The following LRRTM3 variants were observed in gnomAD, a reference collection of about 807,000 sequenced individuals.
LRRTM3 encodes the protein leucine-rich repeat transmembrane neuronal protein 3.
A neutral mutation model predicts 44.7 loss-of-function variants in LRRTM3; 24 were observed. The observed-to-expected ratio is 0.54, with a 90% CI of 0.39 to 0.76. The LOEUF (loss-of-function observed/expected upper bound fraction) is 0.76. LRRTM3 is among the 30% of genes least tolerant of loss of function. The pLI, the probability that LRRTM3 is intolerant of heterozygous loss-of-function variation, is 0.00. For synonymous variants in LRRTM3, 277 were observed against 278.7 expected, an observed-to-expected ratio of 0.99 and a Z score of 0.06; for missense variants, 587 against 702.2, an observed-to-expected ratio of 0.84 and a Z score of 1.85.
chr10:66,981,641 A>C (rs538000110), intron 2 of LRRTM3, among the ~76,000 whole-genome samples: 6 of 152,354 alleles, frequency 3.9e-5, no homozygotes, highest in Middle Eastern at 3.4e-3. Context: ...ACAATATTGC[A>C]CATATTGAAT....
At chr10:66,950,965 C>T (rs1251554793) in intron 2 of LRRTM3, among the ~76,000 whole-genome samples, 1 of 152,080 alleles carries the variant, frequency 6.6e-6, no homozygotes, top group Admixed American at 6.6e-5. Flanking sequence ...TGCAGAAACT[C>T]CCTTTGAATG....
intron 2 of LRRTM3, among the ~76,000 whole-genome samples, chr10:66,986,988 A>G (rs759324023): frequency 6.6e-6 from 1 of 152,130 alleles, no homozygotes; most frequent in Non-Finnish European, 1.5e-5. Context: ...ATAAGCTGAT[A>G]CATGAGCCAA....
chr10:66,942,080 C>T (rs1848027710), intron 2 of LRRTM3, among the ~76,000 whole-genome samples: 1 of 152,094 alleles, frequency 6.6e-6, no homozygotes, highest in Admixed American at 6.5e-5. Context: ...AAAATGGGAA[C>T]AATACTTCAT....
intron 2 of LRRTM3, among the ~76,000 whole-genome samples, chr10:66,930,768 G>A (rs1847336719): frequency 6.6e-6 from 1 of 152,074 alleles, no homozygotes. Context: ...TTTGAAAGCT[G>A]TCACTTTTTA....
At chr10:66,990,838 A>C (rs1851000618) in intron 2 of LRRTM3, among the ~76,000 whole-genome samples, 1 of 152,194 alleles carries the variant, frequency 6.6e-6, no homozygotes, top group East Asian at 1.9e-4. Context: ...AGGAAGTAAA[A>C]TTTCACTAGT....
At chr10:67,008,692 TAG>T (rs1852150933) in intron 2 of LRRTM3, among the ~76,000 whole-genome samples, 4 of 152,162 alleles carry the variant, frequency 2.6e-5, no homozygotes, top group African/African-American at 7.2e-5. Flanking sequence ...CCAGCTAGGA[TAG>T]CACATCTCTG....
intron 2 of LRRTM3, among the ~76,000 whole-genome samples, chr10:66,936,915 G>C (rs1286219659): frequency 6.6e-6 from 1 of 152,084 alleles, no homozygotes; most frequent in Non-Finnish European, 1.5e-5. Flanking sequence ...TTAAGAGCAG[G>C]CATAGCCAGC....
At chr10:67,021,082 T>C (rs116682172) in intron 2 of LRRTM3, among the ~76,000 whole-genome samples, 2,770 of 152,314 alleles carry the variant, frequency 0.018, 88 homozygotes, top group African/African-American at 0.062. Flanking sequence ...GTTGATTATA[T>C]ACATTTTGTA....
intron 2 of LRRTM3, among the ~76,000 whole-genome samples, chr10:66,983,953 T>C (rs1371217905): frequency 6.6e-6 from 1 of 152,222 alleles, no homozygotes; most frequent in Non-Finnish European, 1.5e-5. Flanking sequence ...CAACGGTAAA[T>C]GGTAGATACT....
At chr10:67,021,286 T>C (rs968685614) in intron 2 of LRRTM3, among the ~76,000 whole-genome samples, 1 of 152,180 alleles carries the variant, frequency 6.6e-6, no homozygotes, top group African/African-American at 2.4e-5. Flanking sequence ...TTTCACACCT[T>C]TAAAATTAGC....
rs997692485 is a variant in LRRTM3, at chr10:66,930,105, A to G, written c.1536+1653A>G. ...TTTCATATGCTGAGAGGAAAAATCT[A>G]GGCAAGTCACCATAAAATAAAATTT... On this transcript the variant is annotated intron_variant, in intron 2 of 2. Transcript: ENST00000361320. Among the ~76,000 whole-genome samples the G allele has an allele frequency of 3.3e-5, 5 of 152,296 alleles. No individual in the cohort carries two copies. The East Asian group carries it at 9.6e-4, about 29-fold the overall frequency.
intron 2 of LRRTM3, among the ~76,000 whole-genome samples, chr10:67,053,055 A>G (rs1855209865): frequency 6.6e-6 from 1 of 152,202 alleles, no homozygotes; most frequent in African/African-American, 2.4e-5. Flanking sequence ...AACACATACA[A>G]AAGCTAGAGC....
intron 2 of LRRTM3, among the ~76,000 whole-genome samples, chr10:67,091,651 G>A (rs1857647821): frequency 6.6e-6 from 1 of 152,072 alleles, no homozygotes; most frequent in African/African-American, 2.4e-5. Context: ...TCACTAAGGT[G>A]AAAAAGGTAA....
chr10:66,946,091 A>T (rs1020623274), intron 2 of LRRTM3, among the ~76,000 whole-genome samples: 1 of 152,206 alleles, frequency 6.6e-6, no homozygotes, highest in African/African-American at 2.4e-5. Flanking sequence ...AACAGAGCTC[A>T]TAGACTTGCT....
intron 2 of LRRTM3, among the ~76,000 whole-genome samples, chr10:67,069,697 T>C (rs929204642): frequency 6.6e-6 from 1 of 151,900 alleles, no homozygotes; most frequent in Admixed American, 6.6e-5. Context: ...TGTGTCTGAA[T>C]GTTGTGTCTC....
chr10:67,011,477 G>A (rs1177964079), intron 2 of LRRTM3, among the ~76,000 whole-genome samples: 2 of 152,182 alleles, frequency 1.3e-5, no homozygotes, highest in African/African-American at 4.8e-5. Flanking sequence ...GCCAGAAAGT[G>A]CTTTACAGTG....
rs1438112818 is a variant in LRRTM3 at position 67,097,997 on chromosome 10, G to A, written c.*201G>A. On this transcript the variant is annotated 3_prime_UTR_variant, in exon 3 of 3. Transcript: ENST00000361320. ...TCTACACTTTGTAATTAGCTAAGTT[G>A]TGCAGTATTTTTTGACTTAAACAGA... 3 of 576,630 alleles carry A rather than the reference G, an allele frequency of 5.2e-6. No individual in the cohort carries two copies. The East Asian group carries it at 8.6e-5, about 17-fold the overall frequency. 35.7% of individuals were successfully genotyped at this position (576,630 alleles called of 1,614,324 possible).
At chr10:66,972,339 GA>G (rs1382645822) in intron 2 of LRRTM3, among the ~76,000 whole-genome samples, 5 of 151,978 alleles carry the variant, frequency 3.3e-5, no homozygotes, top group Non-Finnish European at 7.4e-5. Context: ...CATTTTTTTA[GA>G]GATGAAATGA....
intron 2 of LRRTM3, among the ~76,000 whole-genome samples, chr10:67,048,047 A>G (rs1341321727): frequency 2.0e-5 from 3 of 152,150 alleles, no homozygotes; most frequent in Non-Finnish European, 4.4e-5. Context: ...GAAATTTGCT[A>G]TCAGAAGTGA....
Sources: allele counts gnomAD v4.1 joint callset (sites outside exome capture counted in the v4.1 genomes callset), GRCh38; gene constraint gnomAD v4.1.1; transcripts MANE v1.5; gene names NCBI Gene and HGNC (gene_info 2026-07-23, HGNC 2026-07-21).